PTPRC: variants seen among roughly 807,000 people sequenced by gnomAD.
PTPRC encodes the protein protein tyrosine phosphatase receptor type C, also known as receptor-type tyrosine-protein phosphatase C.
PTPRC carries 44 observed loss-of-function variants against 155.9 expected under a neutral mutation model. The ratio of observed to expected loss-of-function variants is 0.28; its 90% CI spans 0.22 to 0.36. PTPRC has a LOEUF of 0.36. Ranked by LOEUF, PTPRC falls within the 10% of genes least tolerant of loss-of-function variation. PTPRC has a pLI of 1.00. For synonymous variants in PTPRC, 525 were observed against 533.1 expected (o/e 0.98, Z 0.21); for missense variants, 1,401 against 1,564.6 (o/e 0.90, Z 1.76).
chr1:198,662,887 T>C (rs1664057353), intron 2 of PTPRC, among the ~76,000 whole-genome samples: 1 of 152,198 alleles, frequency 6.6e-6, no homozygotes, highest in South Asian at 2.1e-4. Flanking sequence ...GGATCTCATA[T>C]CACGCTTTCA....
intron 3 of PTPRC, 74 bp from the exon 4 acceptor site, chr1:198,696,638 C>A: frequency 7.9e-7 from 1 of 1,266,324 alleles, no homozygotes; most frequent in Non-Finnish European, 1.2e-6. Context: ...AGTTAGTATA[C>A]TGGGAGGAGC....
intron 20 of PTPRC, 68 bp downstream of exon 20, chr1:198,732,624 AT>A: frequency 8.1e-7 from 1 of 1,230,792 alleles, no homozygotes; most frequent in Non-Finnish European, 1.2e-6. Flanking sequence ...TCTTGGTAAA[AT>A]TTTAGAAATA....
At chr1:198,679,506 G>A (rs550122026) in intron 2 of PTPRC, 1 of 151,538 alleles carries the variant, frequency 6.6e-6, no homozygotes, top group Admixed American at 6.8e-5. Flanking sequence ...CCGCCCCCGT[G>A]ATCCACCCGC....
chr1:198,683,566 G>A (rs1168381463), intron 2 of PTPRC, among the ~76,000 whole-genome samples: 3 of 152,014 alleles, frequency 2.0e-5, no homozygotes, highest in Non-Finnish European at 4.4e-5. Context: ...TATGGGTAAG[G>A]AAGCATCTTT....
intron 32 of PTPRC, among the ~76,000 whole-genome samples, chr1:198,755,310 C>G (rs1655587340): frequency 6.6e-6 from 1 of 152,058 alleles, no homozygotes; most frequent in South Asian, 2.1e-4. Flanking sequence ...TCCTTATTCA[C>G]AGTGTAAACT....
chr1:198,676,161 T>G (rs1664938637), intron 2 of PTPRC, among the ~76,000 whole-genome samples: 1 of 152,226 alleles, frequency 6.6e-6, no homozygotes, highest in Non-Finnish European at 1.5e-5. Context: ...CATGGAGTAT[T>G]AATGCGCTGT....
intron 31 of PTPRC, among the ~76,000 whole-genome samples, chr1:198,753,136 T>C (rs1047140566): frequency 6.6e-6 from 1 of 152,034 alleles, no homozygotes. Flanking sequence ...CCATATACAT[T>C]GATCTACTCT....
intron 2 of PTPRC, among the ~76,000 whole-genome samples, chr1:198,651,395 G>GT (rs949446427): frequency 8.4e-4 from 127 of 151,106 alleles, no homozygotes; most frequent in Middle Eastern, 3.4e-3. Flanking sequence ...TTAAAAAGTA[G>GT]TTGTTATCAA....
chr1:198,744,271 T>C lies in PTPRC; in HGVS notation c.2847+68T>C, dbSNP rs1025436186. ...TATTCAGTGTCATCTACTTTCTAGG[T>C]GTTTGCTATGCACTTGACATAGTGC... On this transcript the variant is annotated intron_variant, in intron 26 of 32. Coordinates refer to ENST00000442510, the MANE Select transcript of PTPRC (RefSeq NM_002838.5). 61 of 1,444,432 alleles carry C rather than the reference T, an allele frequency of 4.2e-5. 1 individual carries two copies. In the Admixed American group the frequency reaches 1.1e-3, roughly 26 times the overall value. 89.5% of individuals were successfully genotyped at this position (1,444,432 alleles called of 1,614,324 possible). A position where few individuals can be genotyped will look rare whatever the true frequency, so the allele number is the denominator to read the frequency against.
chr1:198,731,746 T>C lies in PTPRC; in HGVS notation c.1974+20T>C, dbSNP rs779359986. The C allele has an allele frequency of 6.5e-7, 1 of 1,535,694 alleles. No individual in the cohort carries two copies. The highest frequency in any genetic ancestry group is 1.1e-5 in the South Asian group (1 of 89,428). On this transcript the variant is annotated intron_variant, in intron 18 of 32. Coordinates refer to ENST00000442510, the MANE Select transcript of PTPRC (RefSeq NM_002838.5). The stretch of plus-strand genomic sequence containing the variant: ...TTTCAGGTGTGTGTTGCTTTTGTTA[T>C]ATGATGATAAATTCGACATCAAGAC...
chr1:198,649,728 T>C (rs1258709695), intron 2 of PTPRC, among the ~76,000 whole-genome samples: 1 of 151,808 alleles, frequency 6.6e-6, no homozygotes, highest in African/African-American at 2.4e-5. Context: ...CATCAATTGT[T>C]TATAGAGCCC....
At chr1:198,707,329 G>A (rs1653036975) in intron 9 of PTPRC, among the ~76,000 whole-genome samples, 1 of 152,016 alleles carries the variant, frequency 6.6e-6, no homozygotes, top group South Asian at 2.1e-4. Context: ...AAATATATTA[G>A]GGAGAAACAT....
chr1:198,741,553 G>C (rs1437062841), intron 23 of PTPRC, among the ~76,000 whole-genome samples: 1 of 151,496 alleles, frequency 6.6e-6, no homozygotes, highest in African/African-American at 2.4e-5. Context: ...TTTTTTGCTT[G>C]ACAGCATGCA....
chr1:198,663,233 T>A (rs952755528), intron 2 of PTPRC, among the ~76,000 whole-genome samples: 3 of 152,338 alleles, frequency 2.0e-5, no homozygotes, highest in Non-Finnish European at 4.4e-5. Flanking sequence ...TTCCCTCTAT[T>A]CCTTGCTGAA....
chr1:198,708,105 C>A, intron 9 of PTPRC, 28 bp from the exon 10 acceptor site: 1 of 1,582,052 alleles, frequency 6.3e-7, no homozygotes, highest in South Asian at 1.1e-5. Flanking sequence ...AAATACTAAT[C>A]AAGTTTATTT....
At chr1:198,721,562 A>G (rs10919560) in intron 14 of PTPRC, among the ~76,000 whole-genome samples, 58,304 of 151,736 alleles carry the variant, frequency 0.38, 12,257 homozygotes, top group Non-Finnish European at 0.49. Context: ...AGAGTTTTTA[A>G]TATATCCATT....
chr1:198,644,194 A>T (rs1016388257), intron 2 of PTPRC, among the ~76,000 whole-genome samples: 9 of 151,876 alleles, frequency 5.9e-5, no homozygotes, highest in Non-Finnish European at 1.2e-4. Context: ...ATGGAAATTT[A>T]ACATATCTTC....
intron 5 of PTPRC, among the ~76,000 whole-genome samples, chr1:198,700,897 G>C (rs1223923333): frequency 6.6e-6 from 1 of 152,150 alleles, no homozygotes; most frequent in African/African-American, 2.4e-5. Flanking sequence ...AGGAAGTTTC[G>C]GGAGGTTGAG....
chr1:198,754,129 G>T, intron 31 of PTPRC, 140 bp from the exon 32 acceptor site: 2 of 995,614 alleles, frequency 2.0e-6, no homozygotes, highest in Non-Finnish European at 2.9e-6. Flanking sequence ...TAAATAATTT[G>T]GTTCTTGAAA....
Sources: gnomAD v4.1 joint callset for allele counts (sites outside exome capture counted in the v4.1 genomes callset) on GRCh38, gnomAD v4.1.1 for gene constraint, MANE v1.5 for transcripts, NCBI Gene and HGNC (gene_info 2026-07-23, HGNC 2026-07-21) for gene names.